Variants in FLVCR2 observed in about 807,000 individuals in gnomAD.
The protein encoded by FLVCR2 is FLVCR choline and putative heme transporter 2.
Under a neutral mutation model 48.9 loss-of-function variants are expected in FLVCR2, and 38 were observed. That is an observed-to-expected ratio of 0.78 (90% CI 0.60 to 1.02). The LOEUF is 1.02. Among genes scored for constraint, FLVCR2 ranks in the 50% least tolerant of loss-of-function variants. FLVCR2 has a pLI of 0.00. For missense variants in FLVCR2, 664 were observed against 663.3 expected (o/e 1.00, Z -0.01); for synonymous variants, 255 against 257.0 (o/e 0.99, Z 0.07).
At chr14:75,605,547 T>C (rs1431661385) in intron 1 of FLVCR2, 1 of 1,535,850 alleles carries the variant, frequency 6.5e-7, no homozygotes, top group Non-Finnish European at 8.7e-7. Context: ...CCCAACACAA[T>C]TCAAGACGCA....
chr14:75,594,031 A>G (rs530716673), intron 1 of FLVCR2, among the ~76,000 whole-genome samples: 38 of 152,306 alleles, frequency 2.5e-4, no homozygotes, highest in Non-Finnish European at 4.6e-4. Flanking sequence ...AATTTCTTTC[A>G]CCAGATATCC....
intron 1 of FLVCR2, chr14:75,606,032 T>A (rs1215939426): frequency 9.9e-6 from 2 of 202,250 alleles, no homozygotes; most frequent in African/African-American, 4.6e-5. Flanking sequence ...TTTTGTTTCG[T>A]TTTTTGAAAC....
chr14:75,646,479 G>A lies in FLVCR2; in HGVS notation c.*7G>A, dbSNP rs1002455184. The stretch of plus-strand genomic sequence containing the variant: ...GTCAGAGGATCATCTCTGAGAGGAA[G>A]GTGGTGACAACTCAGGGAACACGAA... On this transcript the variant is annotated 3_prime_UTR_variant, in exon 10 of 10. Transcript: ENST00000238667. 4 of 1,608,084 alleles carry A rather than the reference G, an allele frequency of 2.5e-6. No homozygotes were observed. Among genetic ancestry groups the A allele is most frequent in the African/African-American group, 1.3e-5 (1 of 74,786 alleles).
Position 75,634,940 on chromosome 14 carries a change from C to G in FLVCR2, c.1051C>G (p.Leu351Val), listed in dbSNP as rs2140048970. ...AGAAGTGAATGCTGGAAGAATTGGC[C>G]TGACGATCGTCATTGCAGGAATGCT... ...GEEVNAGRIGLTIVIAGMLGA... is the reference protein window; with the variant it reads ...GEEVNAGRIGVTIVIAGMLGA... Residue 351 changes from leucine (L) to valine (V), a missense_variant, in exon 5 of 10, where the codon CTG (leucine) becomes GTG (valine). Leu to Val is a conservative substitution (Grantham distance 32). Transcript: ENST00000238667. 1 of 1,613,954 alleles carries G rather than the reference C, an allele frequency of 6.2e-7. No homozygotes were observed.
rs907432894 is a variant in FLVCR2 at position 75,635,118 on chromosome 14, C to T, written c.1124+105C>T. On this transcript the variant is annotated intron_variant, in intron 5 of 9. Transcript: ENST00000238667. ...GTCATTGTTTGGAGATCCTAGTGGC[C>T]AAGCAGGTCATTCAAGTTTGACTTC... The T allele has an allele frequency of 2.1e-5, 16 of 773,814 alleles. No homozygotes were observed. In the African/African-American group the frequency reaches 2.7e-4, roughly 13 times the overall value. 47.9% of individuals were successfully genotyped at this position (773,814 alleles called of 1,614,324 possible).
intron 1 of FLVCR2, among the ~76,000 whole-genome samples, chr14:75,608,641 A>C (rs1423379247): frequency 6.6e-6 from 1 of 152,176 alleles, no homozygotes; most frequent in African/African-American, 2.4e-5. Flanking sequence ...GCAATGATCG[A>C]TGGTAACAAA....
intron 1 of FLVCR2, among the ~76,000 whole-genome samples, chr14:75,586,574 A>G (rs1458221233): frequency 6.6e-6 from 1 of 152,086 alleles, no homozygotes; most frequent in African/African-American, 2.4e-5. Flanking sequence ...TAATTTAGAA[A>G]TTTTTCATTT....
At chr14:75,632,662 T>C (rs1295848846) in intron 3 of FLVCR2, 2 of 702,368 alleles carry the variant, frequency 2.8e-6, no homozygotes, top group Non-Finnish European at 5.2e-6. Context: ...CCACAAGCTA[T>C]GTGTCCTGAC....
intron 1 of FLVCR2, among the ~76,000 whole-genome samples, chr14:75,611,365 A>C (rs932304791): frequency 1.3e-5 from 2 of 152,168 alleles, no homozygotes; most frequent in Non-Finnish European, 1.5e-5. Context: ...CAGATAGCCA[A>C]GGGTATGAAT....
At chr14:75,619,331 G>A (rs1036931648) in intron 1 of FLVCR2, among the ~76,000 whole-genome samples, 2 of 152,078 alleles carry the variant, frequency 1.3e-5, no homozygotes, top group African/African-American at 4.8e-5. Flanking sequence ...AGATACACTA[G>A]GGTATCCTAC....
intron 3 of FLVCR2, chr14:75,633,071 A>G: frequency 1.5e-6 from 1 of 661,556 alleles, no homozygotes; most frequent in Non-Finnish European, 2.7e-6. Context: ...GAATTGGTAA[A>G]GTAGGAGAGT....
rs561507746 is a variant in FLVCR2 at position 75,614,853 on chromosome 14, C to T, written c.670-7226C>T. Among the ~76,000 whole-genome samples, 65 of 152,308 alleles carry T rather than the reference C, an allele frequency of 4.3e-4. 3 individuals are homozygous for T. The South Asian group carries it at 0.013, about 31-fold the overall frequency. On this transcript the variant is annotated intron_variant, in intron 1 of 9. Coordinates refer to ENST00000238667, the MANE Select transcript of FLVCR2 (RefSeq NM_017791.3). The stretch of plus-strand genomic sequence containing the variant: ...GGCAAGAGAGCGAGAGAGAGAGCGT[C>T]TGAAGGAGGAACTGTCAAACATTTT...
intron 1 of FLVCR2, among the ~76,000 whole-genome samples, chr14:75,612,499 A>G (rs923252069): frequency 1.3e-4 from 20 of 152,196 alleles, no homozygotes; most frequent in African/African-American, 4.8e-4. Flanking sequence ...CACCAAATCA[A>G]TGAGGTTGTT....
chr14:75,629,313 A>T (rs919995808), intron 3 of FLVCR2, among the ~76,000 whole-genome samples: 2 of 151,938 alleles, frequency 1.3e-5, no homozygotes, highest in East Asian at 1.9e-4. Context: ...TTTATTTGCT[A>T]TTTTTTTTCA....
chr14:75,609,409 T>A (rs1047544660), intron 1 of FLVCR2, among the ~76,000 whole-genome samples: 1 of 152,182 alleles, frequency 6.6e-6, no homozygotes, highest in African/African-American at 2.4e-5. Context: ...GATCTAATGG[T>A]GCTGCAATCT....
chr14:75,638,993 G>C (rs150967407), intron 5 of FLVCR2, among the ~76,000 whole-genome samples: 1 of 152,116 alleles, frequency 6.6e-6, no homozygotes, highest in Non-Finnish European at 1.5e-5. Flanking sequence ...GGCAGGTGGA[G>C]CACTTGAGGT....
At chr14:75,634,864 G>A in intron 4 of FLVCR2, 46 bp from the exon 5 acceptor site, 1 of 1,332,486 alleles carries the variant, frequency 7.5e-7, no homozygotes, top group African/African-American at 1.4e-5. Flanking sequence ...TCTGTCCTGG[G>A]TCTTGTCCCA....
chr14:75,634,087 A>AAT (rs1289072883), intron 4 of FLVCR2, among the ~76,000 whole-genome samples: 1 of 152,082 alleles, frequency 6.6e-6, no homozygotes, highest in Non-Finnish European at 1.5e-5. Context: ...ACTGTTGGCA[A>AAT]ATATATATAT....
At chr14:75,615,934 G>A (rs1889600871) in intron 1 of FLVCR2, among the ~76,000 whole-genome samples, 3 of 144,150 alleles carry the variant, frequency 2.1e-5, no homozygotes, top group Admixed American at 1.5e-4. Context: ...AGCTGAGGCA[G>A]GAGAATGGCA....
Sources: allele counts gnomAD v4.1 joint callset (sites outside exome capture counted in the v4.1 genomes callset), GRCh38; gene constraint gnomAD v4.1.1; transcripts MANE v1.5; gene names NCBI Gene and HGNC (gene_info 2026-07-23, HGNC 2026-07-21).